Variants in GDPD4 observed in about 807,000 individuals in gnomAD.
The protein encoded by GDPD4 is glycerophosphodiester phosphodiesterase domain containing 4.
In GDPD4, 60 loss-of-function variants were observed where a neutral mutation model predicts 67.8. The ratio of observed to expected loss-of-function variants is 0.88; its 90% confidence interval spans 0.72 to 1.10. GDPD4 has a LOEUF of 1.10. Ranked by LOEUF, GDPD4 falls within the 50% of genes least tolerant of loss-of-function variation. The pLI is 0.00. For missense variants in GDPD4, 623 were observed against 613.9 expected (o/e 1.01, Z -0.16); for synonymous variants, 212 against 210.9 (o/e 1.00, Z -0.04).
chr11:77,297,139 A>C (rs2135899729), intron 1 of GDPD4, among the ~76,000 whole-genome samples: 1 of 152,182 alleles, frequency 6.6e-6, no homozygotes, highest in African/African-American at 2.4e-5. Flanking sequence ...TCTGCAATTC[A>C]CTTTCAAATA....
chr11:77,272,702 G>A (rs1959271408), intron 5 of GDPD4, among the ~76,000 whole-genome samples: 1 of 151,986 alleles, frequency 6.6e-6, no homozygotes, highest in African/African-American at 2.4e-5. Context: ...CTTGAACCCG[G>A]GAGGCAGAAG....
At chr11:77,252,065 G>GTTTTTTTTTTTTTTTTTTTTTTTTTTT in intron 11 of GDPD4, among the ~76,000 whole-genome samples, 1 of 127,432 alleles carries the variant, frequency 7.8e-6, no homozygotes, top group African/African-American at 3.0e-5. Context: ...TTTTTTTTTT[G>GTTTTTTTTTTTTTTTTTTTTTTTTTTT]TTTTTTTTTT....
chr11:77,299,419 T>G (rs1390533073), intron 1 of GDPD4, among the ~76,000 whole-genome samples: 2 of 152,188 alleles, frequency 1.3e-5, no homozygotes, highest in African/African-American at 4.8e-5. Flanking sequence ...ACTCCTCTAT[T>G]GCACTCTACT....
intron 16 of GDPD4, among the ~76,000 whole-genome samples, chr11:77,219,754 C>CACTA (rs1555113019): frequency 1.3e-5 from 2 of 151,508 alleles, no homozygotes; most frequent in Admixed American, 1.3e-4. Context: ...GTTTTGGTAC[C>CACTA]AGTACCATGC....
In GDPD4 at chr11:77,279,381, T is replaced by TG. The variant is rs759155877; in HGVS notation, c.71dup (p.Gly25ArgfsTer15). On this transcript the variant is annotated frameshift_variant, in exon 4 of 17. Coordinates refer to ENST00000315938, the MANE Select transcript of GDPD4 (RefSeq NM_182833.3). LOFTEE classifies it high-confidence loss of function. ...AAATAGACCAGAAAAACCAGTATCC[T>TG]GTTCCTAGAAAAGTGACCCTGAAAA... 2.3e-5 allele frequency: 37 copies of TG among 1,610,304 alleles called. 2 individuals carry two copies. The South Asian group carries it at 3.7e-4, about 16-fold the overall frequency.
chr11:77,278,610 T>C lies in GDPD4; in HGVS notation c.147+696A>G, dbSNP rs552834076. On this transcript the variant is annotated intron_variant, in intron 4 of 16. Transcript: ENST00000315938. ...AAAGTTCATGCAAATAGCAACATAT[T>C]TGGGGGCTAGGTTCTTCTGTATCAG... 3.8e-4 allele frequency among the ~76,000 whole-genome samples: 58 copies of C among 152,316 alleles called. 2 individuals carry two copies. In the South Asian group the frequency reaches 0.012, roughly 31 times the overall value.
chr11:77,246,055 CA>C (rs1267880320), intron 11 of GDPD4, among the ~76,000 whole-genome samples: 1 of 152,184 alleles, frequency 6.6e-6, no homozygotes, highest in Non-Finnish European at 1.5e-5. Context: ...CAGGCTGAGG[CA>C]AAAGTATCAC....
intron 11 of GDPD4, among the ~76,000 whole-genome samples, chr11:77,249,383 A>G (rs537399517): frequency 1.2e-4 from 19 of 152,286 alleles, no homozygotes; most frequent in African/African-American, 4.1e-4. Flanking sequence ...TTATCAAATT[A>G]CAGCTCATAT....
In GDPD4 at chr11:77,249,002, C is replaced by T. The variant is rs193145613; in HGVS notation, c.865-3500G>A. ...ATATTAGAGGCTGGGCAAGGTGGTT[C>T]ACAGCTGTAATCCCAGCACTTTGGG... is the stretch of plus-strand genomic sequence containing the variant. On this transcript the variant is annotated intron_variant, in intron 11 of 16. Transcript: ENST00000315938. Among the ~76,000 whole-genome samples, 289 of 150,978 alleles carry T rather than the reference C, an allele frequency of 1.9e-3. 2 individuals carry two copies. The highest frequency in any genetic ancestry group is 6.7e-3 in the African/African-American group (275 of 41,034).
chr11:77,259,051 C>T (rs554974908), intron 10 of GDPD4, among the ~76,000 whole-genome samples: 1 of 152,282 alleles, frequency 6.6e-6, no homozygotes, highest in Admixed American at 6.5e-5. Flanking sequence ...GTGGCATGAT[C>T]TCGGCTCACC....
chr11:77,255,909 G>C (rs565191758), intron 11 of GDPD4, among the ~76,000 whole-genome samples: 3 of 151,880 alleles, frequency 2.0e-5, no homozygotes, highest in Non-Finnish European at 4.4e-5. Context: ...CTAAAAATAA[G>C]GATGCTATTT....
intron 15 of GDPD4, 89 bp downstream of exon 15, chr11:77,229,061 G>A (rs774976747): frequency 2.4e-5 from 15 of 619,596 alleles, no homozygotes; most frequent in Non-Finnish European, 3.6e-5. Flanking sequence ...GTGGGATTAC[G>A]GGAAGAGCGT....
chr11:77,294,635 T>A (rs1325433115), intron 1 of GDPD4, among the ~76,000 whole-genome samples: 4 of 151,980 alleles, frequency 2.6e-5, no homozygotes, highest in African/African-American at 9.7e-5. Flanking sequence ...TTTGTAGAAA[T>A]CAATAAGCTG....
chr11:77,228,007 C>T, intron 15 of GDPD4, 91 bp from the exon 16 acceptor site: 1 of 878,788 alleles, frequency 1.1e-6, no homozygotes. Flanking sequence ...CTTCCCCCTT[C>T]CATCTTGAAA....
chr11:77,241,107 G>A (rs1156951870), intron 13 of GDPD4, among the ~76,000 whole-genome samples: 1 of 152,156 alleles, frequency 6.6e-6, no homozygotes, highest in African/African-American at 2.4e-5. Context: ...AAATCAATAT[G>A]TCAAAGAGAT....
In GDPD4 at chr11:77,229,194, A is replaced by G; in HGVS notation, c.1428T>C (p.Asp476=). 6.2e-7 allele frequency: 1 copy of G among 1,609,936 alleles called. No homozygotes were observed. The highest frequency in any genetic ancestry group is 8.5e-7 in the Non-Finnish European group (1 of 1,177,108). Residue 476 remains aspartate, a synonymous_variant, in exon 15 of 17, where the codon GAT becomes GAC. Coordinates refer to ENST00000315938, the MANE Select transcript of GDPD4 (RefSeq NM_182833.3). ...KFYVFMWLLA[D]IISVLFIVAI... is the part of the protein sequence containing the mutation. ...CAACAATAAAAAGCACAGAAATGAT[A>G]TCTGCAAGGAGCCACATGAACACAT...
At chr11:77,230,548 T>C (rs969502238) in intron 14 of GDPD4, among the ~76,000 whole-genome samples, 2 of 152,216 alleles carry the variant, frequency 1.3e-5, no homozygotes, top group Non-Finnish European at 2.9e-5. Context: ...GACTTTAAGT[T>C]CCTGTTCTGC....
intron 3 of GDPD4, among the ~76,000 whole-genome samples, chr11:77,282,003 A>T (rs990389118): frequency 6.6e-6 from 1 of 152,204 alleles, no homozygotes; most frequent in African/African-American, 2.4e-5. Flanking sequence ...ATGTAGGTAA[A>T]TCTAAAAGAA....
At chr11:77,247,164 T>C (rs1337484925) in intron 11 of GDPD4, among the ~76,000 whole-genome samples, 2 of 152,142 alleles carry the variant, frequency 1.3e-5, no homozygotes. Context: ...AGGCAGATCA[T>C]TGCTAGGCCA....
Sources: gnomAD v4.1 joint callset for allele counts (sites outside exome capture counted in the v4.1 genomes callset) on GRCh38, gnomAD v4.1.1 for gene constraint, MANE v1.5 for transcripts, NCBI Gene and HGNC (gene_info 2026-07-23, HGNC 2026-07-21) for gene names.